STAMBPL1: variants seen among roughly 807,000 people sequenced by gnomAD.
STAMBPL1 encodes STAM binding protein like 1.
STAMBPL1 carries 44 observed loss-of-function variants against 52.9 expected under a neutral mutation model. The observed-to-expected ratio is 0.83, with a 90% CI of 0.65 to 1.07. The LOEUF is 1.07. Among genes scored for constraint, STAMBPL1 ranks in the 50% least tolerant of loss-of-function variants. STAMBPL1 has a pLI of 0.00. For missense variants in STAMBPL1, 511 were observed against 520.8 expected (o/e 0.98, Z 0.18); for synonymous variants, 164 against 177.3 (o/e 0.92, Z 0.60).
chr10:88,902,787 T>A (rs1046549546), intron 2 of STAMBPL1, among the ~76,000 whole-genome samples: 2 of 152,142 alleles, frequency 1.3e-5, no homozygotes, highest in African/African-American at 4.8e-5. Context: ...GCCAAGATGG[T>A]CTCCATCTCC....
rs1367939569 is a variant in STAMBPL1, at chr10:88,916,592, T to G, written c.904-88T>G. The G allele has an allele frequency of 6.7e-6, 9 of 1,338,848 alleles. No homozygotes were observed. In the East Asian group the frequency reaches 2.6e-4, roughly 38 times the overall value. 82.9% of individuals were successfully genotyped at this position (1,338,848 alleles called of 1,614,324 possible). A position where few individuals can be genotyped will look rare whatever the true frequency, so the allele number is the denominator to read the frequency against. The stretch of plus-strand genomic sequence containing the variant: ...TGGACACACCCCCCTGCTGGGGGAC[T>G]CTTTAGTCTTAAACATTTCATTTCC... On this transcript the variant is annotated intron_variant, in intron 7 of 10. Coordinates refer to ENST00000371926, the MANE Select transcript of STAMBPL1 (RefSeq NM_020799.4).
In STAMBPL1 at chr10:88,919,603, C is replaced by T. The variant is rs59739012; in HGVS notation, c.1042-1680C>T. Among the ~76,000 whole-genome samples, 718 of 152,246 alleles carry T rather than the reference C, an allele frequency of 4.7e-3. 6 individuals are homozygous for T. Among genetic ancestry groups the T allele is most frequent in the African/African-American group, 0.016 (675 of 41,548 alleles). On this transcript the variant is annotated intron_variant, in intron 8 of 10. Transcript: ENST00000371926. ...TTTTAATTTCTCACGAAGACATAGACGGCTCTATTTTACAAAGAGAAGGTA... is the reference window on the plus strand; with the variant it reads ...TTTTAATTTCTCACGAAGACATAGATGGCTCTATTTTACAAAGAGAAGGTA...
rs910008493 is a variant in STAMBPL1 at position 88,880,293 on chromosome 10, G to C, written c.-399G>C. 1 of 152,320 alleles carries C rather than the reference G, an allele frequency of 6.6e-6. No homozygotes were observed. Among genetic ancestry groups the C allele is most frequent in the Non-Finnish European group, 1.5e-5 (1 of 68,124 alleles). The allele number at this position is 152,320 out of a possible 1,614,324, so 9.4% of individuals were successfully genotyped here. Reference sequence around the variant, plus strand: ...AGCAGCGGCAGCAGGGACGGTTGCTGCAGGTTCGGGGTCGGCCGGCCTGCG... The same window carrying C: ...AGCAGCGGCAGCAGGGACGGTTGCTCCAGGTTCGGGGTCGGCCGGCCTGCG... On this transcript the variant is annotated 5_prime_UTR_variant, in exon 1 of 11. Coordinates refer to ENST00000371926, the MANE Select transcript of STAMBPL1 (RefSeq NM_020799.4).
chr10:88,919,386 G>A (rs1449644383), intron 8 of STAMBPL1, among the ~76,000 whole-genome samples: 1 of 152,162 alleles, frequency 6.6e-6, no homozygotes, highest in Non-Finnish European at 1.5e-5. Context: ...TCTGTAGAGT[G>A]AGGGAATGGG....
rs747622508 is a variant in STAMBPL1, at chr10:88,905,522, G to T, written c.110G>T (p.Gly37Val). 3 of 1,614,128 alleles carry T rather than the reference G, an allele frequency of 1.9e-6. No homozygotes were observed. The highest frequency in any genetic ancestry group is 2.5e-6 in the Non-Finnish European group (3 of 1,180,010). ...CGAGTCCGTGCCCTAAGCAAGCTTG[G>T]TTGTAATATCACCATCAGTGAAGAC... is the stretch of plus-strand genomic sequence containing the variant. ...EERVRALSKL[G>V]CNITISEDIT... The change falls in exon 3 of 11, where the codon GGT becomes GTT. Residue 37 changes from glycine to valine, a missense_variant. By Grantham distance (109) the Gly-to-Val change is moderately radical. Transcript: ENST00000371926.
chr10:88,922,780 CT>C (rs778985244), intron 10 of STAMBPL1, among the ~76,000 whole-genome samples: 17 of 152,058 alleles, frequency 1.1e-4, no homozygotes, highest in Non-Finnish European at 1.8e-4. Flanking sequence ...TGAATTCTTT[CT>C]GCTTGATATG....
At chr10:88,898,456 A>G (rs1444847193) in intron 1 of STAMBPL1, among the ~76,000 whole-genome samples, 1 of 152,240 alleles carries the variant, frequency 6.6e-6, no homozygotes, top group Non-Finnish European at 1.5e-5. Flanking sequence ...GCAATTGTTT[A>G]TAATGCAACT....
chr10:88,893,391 C>A (rs1488089677), intron 1 of STAMBPL1, among the ~76,000 whole-genome samples: 1 of 152,158 alleles, frequency 6.6e-6, no homozygotes, highest in African/African-American at 2.4e-5. Context: ...ATTTGAATTT[C>A]TTAACTACAT....
intron 1 of STAMBPL1, among the ~76,000 whole-genome samples, chr10:88,893,230 A>G (rs1392500746): frequency 1.3e-5 from 2 of 152,236 alleles, no homozygotes; most frequent in Non-Finnish European, 2.9e-5. Flanking sequence ...TATAATGCAT[A>G]TTAATTGAAT....
chr10:88,884,682 G>A (rs552325360), intron 1 of STAMBPL1, among the ~76,000 whole-genome samples: 21 of 152,226 alleles, frequency 1.4e-4, no homozygotes, highest in African/African-American at 3.4e-4. Context: ...TCTTTCCTGC[G>A]GAGCCCTGGT....
Position 88,910,507 on chromosome 10 carries a change from A to C in STAMBPL1, c.325-409A>C, listed in dbSNP as rs149637846. Among the ~76,000 whole-genome samples, 601 of 152,284 alleles carry C rather than the reference A, an allele frequency of 3.9e-3. 3 individuals carry two copies. The highest frequency in any genetic ancestry group is 6.7e-3 in the Non-Finnish European group (454 of 68,010). On this transcript the variant is annotated intron_variant, in intron 4 of 10. Coordinates refer to ENST00000371926, the MANE Select transcript of STAMBPL1 (RefSeq NM_020799.4). ...CTTTTTACAGTCTAGCATGTCTGGA[A>C]ATCCCTATCCACCATATATTCTCTC...
intron 3 of STAMBPL1, among the ~76,000 whole-genome samples, chr10:88,908,197 A>C (rs1369739127): frequency 6.6e-6 from 1 of 151,900 alleles, no homozygotes; most frequent in Admixed American, 6.6e-5. Flanking sequence ...CTAATTAGCA[A>C]CTCCTAATTC....
chr10:88,919,803 C>T (rs1379928499), intron 8 of STAMBPL1, among the ~76,000 whole-genome samples: 2 of 149,148 alleles, frequency 1.3e-5, no homozygotes, highest in Non-Finnish European at 3.0e-5. Context: ...CTGATTTTAC[C>T]TTCATTCTAT....
At chr10:88,892,353 C>CAT (rs1844708099) in intron 1 of STAMBPL1, among the ~76,000 whole-genome samples, 1 of 148,908 alleles carries the variant, frequency 6.7e-6, no homozygotes, top group African/African-American at 2.5e-5. Flanking sequence ...TGTGCGTGTG[C>CAT]GTGTGTGTGT....
Sources: allele counts gnomAD v4.1 joint callset (sites outside exome capture counted in the v4.1 genomes callset), GRCh38; gene constraint gnomAD v4.1.1; transcripts MANE v1.5; gene names NCBI Gene and HGNC (gene_info 2026-07-23, HGNC 2026-07-21).